ALG1: variants seen among roughly 807,000 people sequenced by gnomAD.
ALG1 encodes ALG1 chitobiosyldiphosphodolichol beta-mannosyltransferase.
ALG1 carries 58 observed loss-of-function variants against 55.1 expected under a neutral mutation model. The observed-to-expected ratio is 1.05, with a 90% CI of 0.85 to 1.31. The LOEUF (loss-of-function observed/expected upper bound fraction) is 1.31, where lower values mean the gene tolerates loss of function less well. Among genes scored for constraint, ALG1 ranks in the 50% most tolerant of loss-of-function variants. The probability of loss-of-function intolerance (pLI) is 0.00; values close to 1 mark genes in which losing one functional copy is unlikely to be tolerated. For synonymous variants in ALG1, 309 were observed against 247.0 expected (o/e 1.25, Z -2.35); for missense variants, 761 against 598.6 (o/e 1.27, Z -2.83).
At chr16:5,080,813 G>C in intron 9 of ALG1, 133 bp from the exon 10 acceptor site, 1 of 1,275,892 alleles carries the variant, frequency 7.8e-7, no homozygotes, top group South Asian at 1.2e-5. Context: ...GGCCCGGATG[G>C]GGCCTGACTG....
chr16:5,080,581 T>C (rs773647612), intron 9 of ALG1, among the ~76,000 whole-genome samples: 5 of 152,188 alleles, frequency 3.3e-5, no homozygotes, highest in Non-Finnish European at 2.9e-5. Flanking sequence ...CCGCGCCATA[T>C]GCTCTGGGGG....
At chr16:5,083,080 C>T (rs1450802173) in intron 11 of ALG1, among the ~76,000 whole-genome samples, 1 of 152,172 alleles carries the variant, frequency 6.6e-6, no homozygotes, top group Non-Finnish European at 1.5e-5. Context: ...TCCCTTTTGG[C>T]CAAGCTCACA....
chr16:5,087,047 G>A lies in ALG1; in HGVS notation c.*2166G>A, dbSNP rs1338014710. On this transcript the variant is annotated 3_prime_UTR_variant, in exon 13 of 13. Transcript: ENST00000262374. ...GTATTTATAAGAATGAAGTAGTACA[G>A]ACATGAATGTGTAGAAATCTCTATA... The A allele has an allele frequency of 5.9e-5, 9 of 152,142 alleles. No homozygotes were observed. Among genetic ancestry groups the A allele is most frequent in the African/African-American group, 2.2e-4 (9 of 41,422 alleles). The allele number at this position is 152,142 out of a possible 1,614,324, so 9.4% of individuals were successfully genotyped here.
At chr16:5,072,128 G>T (rs1370175579) in intron 1 of ALG1, 71 bp downstream of exon 1, 1 of 1,548,844 alleles carries the variant, frequency 6.5e-7, no homozygotes, top group Admixed American at 2.0e-5. Flanking sequence ...CCGCCCCGGG[G>T]AGTCGAGGCG....
chr16:5,077,854 T>C, intron 5 of ALG1, 53 bp from the exon 6 acceptor site: 1 of 1,550,060 alleles, frequency 6.5e-7, no homozygotes, highest in Non-Finnish European at 8.8e-7. Context: ...AGTCCTCTGT[T>C]CCTGAGGCCT....
At chr16:5,080,871 G>A in intron 9 of ALG1, 75 bp from the exon 10 acceptor site, 1 of 1,552,568 alleles carries the variant, frequency 6.4e-7, no homozygotes. Flanking sequence ...CTCCTAGGGG[G>A]GAGTGTCTTG....
intron 3 of ALG1, among the ~76,000 whole-genome samples, chr16:5,073,723 T>C (rs979207774): frequency 2.6e-5 from 4 of 152,376 alleles, no homozygotes; most frequent in Middle Eastern, 3.4e-3. Context: ...AACACACATA[T>C]ATTTTTTTGA....
chr16:5,072,178 A>G, intron 1 of ALG1, 121 bp downstream of exon 1: 5 of 1,456,178 alleles, frequency 3.4e-6, no homozygotes, highest in Non-Finnish European at 4.5e-6. Context: ...CAGCTCTCCG[A>G]GATTAGACGA....
intron 4 of ALG1, 50 bp from the exon 5 acceptor site, chr16:5,077,395 G>A: frequency 1.4e-6 from 2 of 1,475,052 alleles, no homozygotes; most frequent in Non-Finnish European, 1.9e-6. Flanking sequence ...CGCTGTGGTG[G>A]TAGCGGAGGC....
At chr16:5,082,026 C>T (rs1398263730) in intron 10 of ALG1, among the ~76,000 whole-genome samples, 1 of 151,776 alleles carries the variant, frequency 6.6e-6, no homozygotes, top group African/African-American at 2.4e-5. Flanking sequence ...CACGCAACCT[C>T]CGCCTTCCCG....
intron 4 of ALG1, 97 bp from the exon 5 acceptor site, chr16:5,077,348 C>G: frequency 9.2e-7 from 1 of 1,086,296 alleles, no homozygotes; most frequent in Non-Finnish European, 1.4e-6. Flanking sequence ...ACTCTCCCAG[C>G]TCTGCGGCCT....
chr16:5,073,358 G>A (rs982188631), intron 3 of ALG1, 102 bp downstream of exon 3: 2 of 1,041,630 alleles, frequency 1.9e-6, no homozygotes, highest in African/African-American at 1.6e-5. Flanking sequence ...TGTGTGTTGT[G>A]TGTATGGGCG....
rs779911542 is a variant in ALG1, at chr16:5,075,371, G to C, written c.391-17G>C. 2 of 1,613,944 alleles carry C rather than the reference G, an allele frequency of 1.2e-6. No homozygotes were observed. The highest frequency in any genetic ancestry group is 4.5e-5 in the East Asian group (2 of 44,882). ...ATGGTCTGGGTTTCCTCCCCTTCAA[G>C]TCTCTATCTTTCCTAGAACCCCCCA... is the stretch of plus-strand genomic sequence containing the variant. On this transcript the variant is annotated splice_polypyrimidine_tract_variant and intron_variant, in intron 3 of 12. Transcript: ENST00000262374.
At chr16:5,083,495 G>T (rs575504003) in intron 11 of ALG1, among the ~76,000 whole-genome samples, 187 bp from the exon 12 acceptor site, 1 of 152,216 alleles carries the variant, frequency 6.6e-6, no homozygotes, top group East Asian at 1.9e-4. Context: ...CCATTTTGAT[G>T]TGCACCCCCC....
intron 9 of ALG1, among the ~76,000 whole-genome samples, chr16:5,080,120 T>C (rs1956991324): frequency 6.8e-6 from 1 of 146,736 alleles, no homozygotes; most frequent in Non-Finnish European, 1.5e-5. Flanking sequence ...CAGGCTGGAG[T>C]GCAGTGGTGC....
chr16:5,075,375 C>G lies in ALG1; in HGVS notation c.391-13C>G, dbSNP rs768190163. 8 of 1,613,966 alleles carry G rather than the reference C, an allele frequency of 5.0e-6. No homozygotes were observed. Among genetic ancestry groups the G allele is most frequent in the Non-Finnish European group, 5.9e-6 (7 of 1,180,004 alleles). On this transcript the variant is annotated splice_polypyrimidine_tract_variant and intron_variant, in intron 3 of 12. Coordinates refer to ENST00000262374, the MANE Select transcript of ALG1 (RefSeq NM_019109.5). ...TCTGGGTTTCCTCCCCTTCAAGTCTCTATCTTTCCTAGAACCCCCCAGGTC... is the reference window on the plus strand; with the variant it reads ...TCTGGGTTTCCTCCCCTTCAAGTCTGTATCTTTCCTAGAACCCCCCAGGTC...
At chr16:5,081,461 C>T (rs1957016833) in intron 10 of ALG1, among the ~76,000 whole-genome samples, 1 of 152,232 alleles carries the variant, frequency 6.6e-6, no homozygotes, top group African/African-American at 2.4e-5. Flanking sequence ...GTTGATTTCT[C>T]CAAGTGGGGA....
chr16:5,072,329 C>A lies in ALG1; in HGVS notation c.208+272C>A. Reference sequence around the variant, plus strand: ...GTAAGTGGAACCCAGGTGCGTGGAACTCCAGGGCTAGTGCTGGTAGCTACG... The same window carrying A: ...GTAAGTGGAACCCAGGTGCGTGGAAATCCAGGGCTAGTGCTGGTAGCTACG... On this transcript the variant is annotated intron_variant, in intron 1 of 12. Coordinates refer to ENST00000262374, the MANE Select transcript of ALG1 (RefSeq NM_019109.5). The A allele has an allele frequency of 2.3e-6, 3 of 1,294,056 alleles. No homozygotes were observed. In the African/African-American group the frequency reaches 4.5e-5, roughly 19 times the overall value. The allele number at this position is 1,294,056 out of a possible 1,614,324, so 80.2% of individuals were successfully genotyped here.
Position 5,078,853 on chromosome 16 carries a change from G to C in ALG1, c.837G>C (p.Leu279=). The C allele has an allele frequency of 1.9e-6, 3 of 1,611,810 alleles. No individual in the cohort carries two copies. The highest frequency in any genetic ancestry group is 1.7e-6 in the Non-Finnish European group (2 of 1,179,786). ...CGCGTCTCCGTGAGCGGCCAGCCCT[G>C]CTGGTCAGCAGCACGAGCTGGACAG... ...LVTRLRERPA[L]LVSSTSWTED... is the part of the protein sequence containing the mutation. Residue 279 remains leucine, a synonymous_variant, in exon 7 of 13, where the codon CTG becomes CTC. Transcript: ENST00000262374.
Sources: gnomAD v4.1 joint callset for allele counts (sites outside exome capture counted in the v4.1 genomes callset) on GRCh38, gnomAD v4.1.1 for gene constraint, MANE v1.5 for transcripts, NCBI Gene and HGNC (gene_info 2026-07-23, HGNC 2026-07-21) for gene names.